Variants in DCHS2 observed in about 807,000 individuals in gnomAD.
DCHS2 encodes protocadherin-23.
Under a neutral mutation model 182.4 loss-of-function variants are expected in DCHS2, and 142 were observed. That is an observed-to-expected ratio of 0.78 (90% confidence interval 0.68 to 0.89). The LOEUF (loss-of-function observed/expected upper bound fraction) is 0.89. DCHS2 is among the 40% of genes least tolerant of loss of function. The pLI is 0.00. For missense variants in DCHS2, 4,319 were observed against 4,198.6 expected, an observed-to-expected ratio of 1.03 and a Z score of -0.79; for synonymous variants, 1,740 against 1,663.3, an observed-to-expected ratio of 1.05 and a Z score of -1.12.
At chr4:154,239,764 C>T (rs1731711248) in intron 18 of DCHS2, among the ~76,000 whole-genome samples, 1 of 152,160 alleles carries the variant, frequency 6.6e-6, no homozygotes, top group Admixed American at 6.5e-5. Context: ...CCACCTCAGC[C>T]TCCCAAAGTG....
At position 154,233,510 on chromosome 4, in the gene DCHS2, A is replaced by C. The variant is rs546355676; in HGVS notation, c.*1026T>G. On this transcript the variant is annotated 3_prime_UTR_variant, in exon 20 of 20. Transcript: ENST00000357232. ...TTTCCATAAAAAACTTCATTTAAAA[A>C]TATATTGCTAAATTACTCTATGAGA... 1 of 152,342 alleles carries C rather than the reference A, an allele frequency of 6.6e-6. No individual in the cohort carries two copies. Among genetic ancestry groups the C allele is most frequent in the African/African-American group, 2.4e-5 (1 of 41,588 alleles). The allele number at this position is 152,342 out of a possible 1,614,324, so 9.4% of individuals were successfully genotyped here.
intron 1 of DCHS2, among the ~76,000 whole-genome samples, chr4:154,378,566 T>A (rs13110265): frequency 9.9e-4 from 49 of 49,736 alleles, no homozygotes; most frequent in South Asian, 1.5e-3. Context: ...GGAAGGAAGG[T>A]AGGAAGGATT....
At chr4:154,478,065 AT>A (rs70947169) in intron 1 of DCHS2, among the ~76,000 whole-genome samples, 27,500 of 152,220 alleles carry the variant, frequency 0.18, 3,074 homozygotes, top group Non-Finnish European at 0.26. Flanking sequence ...TACTTAAATA[AT>A]TTTAAACTGT....
rs1457348655 is a variant in DCHS2 at position 154,409,741 on chromosome 4, C to T, written c.2053-32297G>A. The stretch of plus-strand genomic sequence containing the variant: ...GCCGTTGCTTAAGGGTCATGTCAGA[C>T]ATGACACCAAGAGGGATCCCCTCAA... On this transcript the variant is annotated intron_variant, in intron 1 of 19. Transcript: ENST00000357232. 2.0e-5 allele frequency among the ~76,000 whole-genome samples: 3 copies of T among 152,270 alleles called. No homozygotes were observed. In the East Asian group the frequency reaches 5.8e-4, roughly 29 times the overall value.
At chr4:154,264,796 C>A (rs976104379) in intron 14 of DCHS2, among the ~76,000 whole-genome samples, 8 of 151,974 alleles carry the variant, frequency 5.3e-5, no homozygotes, top group Admixed American at 3.9e-4. Context: ...AAAAATAATA[C>A]TAGAAGAAAG....
chr4:154,386,305 G>C (rs1043603335), intron 1 of DCHS2, among the ~76,000 whole-genome samples: 1 of 152,086 alleles, frequency 6.6e-6, no homozygotes, highest in Non-Finnish European at 1.5e-5. Context: ...TGGTCTCCTC[G>C]ACAGTCCTGG....
intron 1 of DCHS2, among the ~76,000 whole-genome samples, chr4:154,401,717 G>C (rs1732190232): frequency 6.6e-6 from 1 of 152,226 alleles, no homozygotes; most frequent in South Asian, 2.1e-4. Context: ...TGGTGGCCAG[G>C]TGTGGTAGCT....
intron 1 of DCHS2, among the ~76,000 whole-genome samples, chr4:154,378,945 CATA>C: frequency 6.6e-6 from 1 of 152,056 alleles, no homozygotes; most frequent in East Asian, 1.9e-4. Context: ...TGTTTCTCAC[CATA>C]ATATCATTAA....
intron 1 of DCHS2, among the ~76,000 whole-genome samples, chr4:154,451,482 G>T (rs746827527): frequency 2.0e-5 from 3 of 152,142 alleles, no homozygotes; most frequent in Non-Finnish European, 4.4e-5. Context: ...GAAGGTACAA[G>T]TAAGTTACAT....
At chr4:154,393,715 G>C (rs1030883760) in intron 1 of DCHS2, among the ~76,000 whole-genome samples, 2 of 151,954 alleles carry the variant, frequency 1.3e-5, no homozygotes, top group East Asian at 3.9e-4. Flanking sequence ...GCCTGACTTG[G>C]ACATGCTCTT....
intron 10 of DCHS2, among the ~76,000 whole-genome samples, chr4:154,305,588 G>A (rs766562109): frequency 2.6e-5 from 4 of 152,058 alleles, no homozygotes; most frequent in Non-Finnish European, 5.9e-5. Flanking sequence ...AAGCTTGCAG[G>A]GCAAATGACA....
intron 1 of DCHS2, among the ~76,000 whole-genome samples, chr4:154,430,923 A>T (rs1733534264): frequency 6.6e-6 from 1 of 152,108 alleles, no homozygotes; most frequent in South Asian, 2.1e-4. Flanking sequence ...CCATTGATTG[A>T]TCTGTCTATT....
chr4:154,245,093 G>A (rs919830810), intron 16 of DCHS2, among the ~76,000 whole-genome samples: 2 of 152,096 alleles, frequency 1.3e-5, no homozygotes, highest in Admixed American at 1.3e-4. Flanking sequence ...ATGTTGTTTA[G>A]CATCAAAATA....
At chr4:154,457,622 C>G (rs760815142) in intron 1 of DCHS2, among the ~76,000 whole-genome samples, 2 of 152,092 alleles carry the variant, frequency 1.3e-5, no homozygotes, top group African/African-American at 4.8e-5. Flanking sequence ...GTAGTGTTGA[C>G]GATTTTGTTT....
chr4:154,433,555 C>G (rs1296946029), intron 1 of DCHS2, among the ~76,000 whole-genome samples: 2 of 151,862 alleles, frequency 1.3e-5, no homozygotes, highest in African/African-American at 4.8e-5. Flanking sequence ...CCACCATGCC[C>G]GGCTAATTTA....
At chr4:154,374,664 T>C (rs977639818) in intron 2 of DCHS2, among the ~76,000 whole-genome samples, 2 of 152,182 alleles carry the variant, frequency 1.3e-5, no homozygotes, top group Admixed American at 1.3e-4. Flanking sequence ...TTACTTGTAA[T>C]ATATTTAGAC....
At position 154,326,001 on chromosome 4, in the gene DCHS2, T is replaced by C. The variant is rs188647015; in HGVS notation, c.4018+2092A>G. On this transcript the variant is annotated intron_variant, in intron 7 of 19. Transcript: ENST00000357232. Reference sequence around the variant, plus strand: ...ATTCTATTGTATTCATTTTCATTGCTGTATAGTATTCCGTGAATATACCAT... The same window carrying C: ...ATTCTATTGTATTCATTTTCATTGCCGTATAGTATTCCGTGAATATACCAT... Among the ~76,000 whole-genome samples, 532 of 152,362 alleles carry C rather than the reference T, an allele frequency of 3.5e-3. 8 individuals are homozygous for C. The highest frequency in any genetic ancestry group is 1.3e-3 in the Non-Finnish European group (87 of 68,028).
chr4:154,305,389 T>C (rs999344367), intron 10 of DCHS2, among the ~76,000 whole-genome samples, 158 bp from the exon 11 acceptor site: 6 of 152,230 alleles, frequency 3.9e-5, no homozygotes, highest in African/African-American at 1.4e-4. Flanking sequence ...CTCTTTTGGC[T>C]GTTCTTGCTA....
At chr4:154,395,159 G>A (rs1482165886) in intron 1 of DCHS2, among the ~76,000 whole-genome samples, 1 of 152,138 alleles carries the variant, frequency 6.6e-6, no homozygotes, top group Non-Finnish European at 1.5e-5. Context: ...GTAAAAATAT[G>A]TTAGCTGTTT....
Sources: allele counts gnomAD v4.1 joint callset (sites outside exome capture counted in the v4.1 genomes callset), GRCh38; gene constraint gnomAD v4.1.1; transcripts MANE v1.5; gene names NCBI Gene and HGNC (gene_info 2026-07-23, HGNC 2026-07-21).